STIM1: variants seen among roughly 807,000 people sequenced by gnomAD.
STIM1 encodes the protein stromal interaction molecule 1.
STIM1 carries 25 observed loss-of-function variants against 74.7 expected under a neutral mutation model. That is an observed-to-expected ratio of 0.33 (90% CI 0.24 to 0.47). The LOEUF (loss-of-function observed/expected upper bound fraction) is 0.47. STIM1 is among the 20% of genes least tolerant of loss of function. STIM1 has a pLI of 1.00. For synonymous variants in STIM1, 328 were observed against 348.8 expected, an observed-to-expected ratio of 0.94 and a Z score of 0.66; for missense variants, 728 against 920.8, an observed-to-expected ratio of 0.79 and a Z score of 2.71.
chr11:3,885,331 A>G (rs945991968), intron 1 of STIM1, among the ~76,000 whole-genome samples: 1 of 151,800 alleles, frequency 6.6e-6, no homozygotes, highest in African/African-American at 2.4e-5. Context: ...GACGTGTGCT[A>G]GCCTGGCCAA....
At chr11:4,006,572 G>A (rs777400490) in intron 2 of STIM1, among the ~76,000 whole-genome samples, 12 of 152,050 alleles carry the variant, frequency 7.9e-5, no homozygotes, top group Non-Finnish European at 1.2e-4. Context: ...AAGCCATGAT[G>A]GCAGCTATTT....
intron 2 of STIM1, chr11:3,973,083 C>G (rs1412496623): frequency 4.6e-6 from 2 of 436,710 alleles, no homozygotes; most frequent in Non-Finnish European, 4.5e-6. Flanking sequence ...TTCCATAATC[C>G]TGCCTCCACT....
chr11:3,875,416 A>G (rs968368120), intron 1 of STIM1, among the ~76,000 whole-genome samples: 2 of 152,210 alleles, frequency 1.3e-5, no homozygotes, highest in African/African-American at 4.8e-5. Flanking sequence ...TTAAACTTCA[A>G]TGGCAAATTG....
At chr11:3,859,267 A>C (rs181776058) in intron 1 of STIM1, among the ~76,000 whole-genome samples, 4 of 152,242 alleles carry the variant, frequency 2.6e-5, no homozygotes, top group Non-Finnish European at 4.4e-5. Flanking sequence ...CAGGTGCTCT[A>C]CAAGGAGGAT....
intron 11 of STIM1, among the ~76,000 whole-genome samples, chr11:4,085,330 G>A (rs2094487536): frequency 6.6e-6 from 1 of 152,140 alleles, no homozygotes; most frequent in African/African-American, 2.4e-5. Context: ...AGAATGCAGG[G>A]AAGCTTATCT....
rs370596083 is a variant in STIM1, at chr11:4,086,514, G to A, written c.1605G>A (p.Thr535=). 1.4e-5 allele frequency: 22 copies of A among 1,614,042 alleles called. No individual in the cohort carries two copies. The highest frequency in any genetic ancestry group is 1.9e-5 in the Non-Finnish European group (22 of 1,180,040). The change falls in exon 12 of 13, where the codon ACG becomes ACA. Residue 535 remains threonine, a synonymous_variant. Transcript: ENST00000526596. Reference sequence around the variant, plus strand: ...AGAGCAGTGTTCGGCAGCGCCTGACGGAGCCACAGCATGGCCTGGGATCTC... The same window carrying A: ...AGAGCAGTGTTCGGCAGCGCCTGACAGAGCCACAGCATGGCCTGGGATCTC... ...SLQSSVRQRL[T]EPQHGLGSQR...
chr11:4,015,346 T>A (rs2093885530), intron 2 of STIM1, among the ~76,000 whole-genome samples: 1 of 152,154 alleles, frequency 6.6e-6, no homozygotes, highest in Admixed American at 6.6e-5. Context: ...GGGTTGAAAA[T>A]TCTTTAAGAA....
chr11:4,036,336 TA>T (rs750033265), intron 3 of STIM1, among the ~76,000 whole-genome samples: 1 of 152,220 alleles, frequency 6.6e-6, no homozygotes, highest in Non-Finnish European at 1.5e-5. Flanking sequence ...TTTATCTTTA[TA>T]ATAGAATGGT....
chr11:4,023,916 A>G lies in STIM1; in HGVS notation c.314A>G (p.His105Arg). The G allele has an allele frequency of 6.2e-7, 1 of 1,614,112 alleles. No homozygotes were observed. Among genetic ancestry groups the G allele is most frequent in the Non-Finnish European group, 8.5e-7 (1 of 1,179,978 alleles). Residue 105 changes from histidine to arginine, a missense_variant, in exon 3 of 13, where the codon CAC (histidine) becomes CGC (arginine). This residue lies in a region of STIM1 where 51 missense variants were observed against 101.1 expected (regional missense o/e 0.50). Transcript: ENST00000526596. ...AATTACCATGACCCAACAGTGAAAC[A>G]CAGCACCTTCCATGGTGAGGATAAG... is the stretch of plus-strand genomic sequence containing the variant. The part of the protein sequence containing the change: ...DLNYHDPTVK[H>R]STFHGEDKLI...
At chr11:4,040,200 G>C (rs2094137790) in intron 3 of STIM1, among the ~76,000 whole-genome samples, 1 of 152,108 alleles carries the variant, frequency 6.6e-6, no homozygotes, top group Non-Finnish European at 1.5e-5. Context: ...AAACATTTCT[G>C]TGTTAAAAAT....
At position 4,075,553 on chromosome 11, in the gene STIM1, A is replaced by G. The variant is rs2094432839; in HGVS notation, c.969+874A>G. ...TATGAGAGTCATCAAAGTTGCATGT[A>G]GTGATAGTTGGTTTATTTCCATTGC... On this transcript the variant is annotated intron_variant, in intron 7 of 12. Transcript: ENST00000526596. Among the ~76,000 whole-genome samples, 6 of 152,342 alleles carry G rather than the reference A, an allele frequency of 3.9e-5. No individual in the cohort carries two copies. In the South Asian group the frequency reaches 1.2e-3, roughly 32 times the overall value.
At chr11:4,090,308 C>G (rs2094516462) in intron 12 of STIM1, among the ~76,000 whole-genome samples, 1 of 152,150 alleles carries the variant, frequency 6.6e-6, no homozygotes, top group African/African-American at 2.4e-5. Context: ...TTGACTTGTC[C>G]AAGATCACAC....
At chr11:3,895,314 C>T (rs539177721) in intron 1 of STIM1, among the ~76,000 whole-genome samples, 1 of 152,300 alleles carries the variant, frequency 6.6e-6, no homozygotes, top group Admixed American at 6.5e-5. Flanking sequence ...GCAAATACTC[C>T]TTCCCTTTAT....
At chr11:3,925,101 AAAT>A in intron 1 of STIM1, among the ~76,000 whole-genome samples, 1 of 152,352 alleles carries the variant, frequency 6.6e-6, no homozygotes, top group South Asian at 2.1e-4. Flanking sequence ...GCAGTTTTAA[AAAT>A]ATTGCTTTCC....
intron 1 of STIM1, among the ~76,000 whole-genome samples, chr11:3,915,492 G>A (rs2092630211): frequency 6.6e-6 from 1 of 151,682 alleles, no homozygotes; most frequent in African/African-American, 2.4e-5. Flanking sequence ...CCGCCTCCCG[G>A]GTTCACGCCA....
At chr11:3,936,940 A>G (rs963554905) in intron 1 of STIM1, among the ~76,000 whole-genome samples, 1 of 152,186 alleles carries the variant, frequency 6.6e-6, no homozygotes, top group African/African-American at 2.4e-5. Context: ...ATTAAAGTAC[A>G]GTGAATATGA....
chr11:3,976,078 C>T (rs1164190507), intron 2 of STIM1, among the ~76,000 whole-genome samples: 1 of 152,090 alleles, frequency 6.6e-6, no homozygotes, highest in Non-Finnish European at 1.5e-5. Flanking sequence ...TGGACATAAC[C>T]CAAATGTCCT....
chr11:3,953,780 C>CTTTTT lies in STIM1; in HGVS notation c.140-13769_140-13768insTTTTT, dbSNP rs201952182. Among the ~76,000 whole-genome samples the CTTTTT allele has an allele frequency of 1.3e-3, 171 of 131,018 alleles. 8 individuals carry two copies. Among genetic ancestry groups the CTTTTT allele is most frequent in the Non-Finnish European group, 2.1e-3 (132 of 61,794 alleles). The allele number at this position is 131,018 out of a possible 152,430, so 86.0% of individuals were successfully genotyped here. A position where few individuals can be genotyped will look rare whatever the true frequency, so the allele number is the denominator to read the frequency against. On this transcript the variant is annotated intron_variant, in intron 1 of 12. Transcript: ENST00000526596. ...TCGGTATTGACTTCTTGATCTTCTT[C>CTTTTT]TTTCTTTTTTTTTTTTTTTTGAGAC...
intron 1 of STIM1, among the ~76,000 whole-genome samples, chr11:3,951,651 G>A (rs1335544576): frequency 2.6e-5 from 4 of 152,132 alleles, no homozygotes; most frequent in African/African-American, 9.7e-5. Flanking sequence ...CTTACTGATT[G>A]AACCCAGAAG....
Sources: allele counts gnomAD v4.1 joint callset (sites outside exome capture counted in the v4.1 genomes callset), GRCh38; gene constraint gnomAD v4.1.1; regional missense constraint gnomAD v4.1.1; transcripts MANE v1.5; gene names NCBI Gene and HGNC (gene_info 2026-07-23, HGNC 2026-07-21).